CCSER1: variants seen among roughly 807,000 people sequenced by gnomAD.
CCSER1 encodes coiled-coil serine rich protein 1.
A neutral mutation model predicts 82.0 loss-of-function variants in CCSER1; 41 were observed. That is an observed-to-expected ratio of 0.50 (90% CI 0.39 to 0.65). The LOEUF is 0.65. CCSER1 is among the 30% of genes least tolerant of loss of function. The probability of loss-of-function intolerance (pLI) is 0.00; values close to 1 mark genes in which losing one functional copy is unlikely to be tolerated. For missense variants in CCSER1, 1,119 were observed against 1,064.2 expected, an observed-to-expected ratio of 1.05 and a Z score of -0.72; for synonymous variants, 414 against 383.9, an observed-to-expected ratio of 1.08 and a Z score of -0.92.
intron 6 of CCSER1, among the ~76,000 whole-genome samples, chr4:90,687,741 C>T (rs1374310955): frequency 6.6e-6 from 1 of 152,020 alleles, no homozygotes; most frequent in African/African-American, 2.4e-5. Context: ...ACAGCCACCC[C>T]AAACGAGCTA....
At chr4:90,270,437 A>G (rs547009102) in intron 1 of CCSER1, among the ~76,000 whole-genome samples, 1 of 152,168 alleles carries the variant, frequency 6.6e-6, no homozygotes, top group Non-Finnish European at 1.5e-5. Flanking sequence ...GACACTGAAA[A>G]ATCATTTGAT....
At chr4:90,731,585 T>G (rs1744757898) in intron 7 of CCSER1, among the ~76,000 whole-genome samples, 1 of 152,126 alleles carries the variant, frequency 6.6e-6, no homozygotes, top group Non-Finnish European at 1.5e-5. Flanking sequence ...GGATAGCTGA[T>G]GAATTTTGAA....
chr4:90,499,159 T>C (rs1769461155), intron 5 of CCSER1, among the ~76,000 whole-genome samples: 1 of 151,902 alleles, frequency 6.6e-6, no homozygotes, highest in Non-Finnish European at 1.5e-5. Context: ...TGTGTATTTG[T>C]ATGTGACATT....
At chr4:90,795,481 T>C (rs1165606716) in intron 7 of CCSER1, among the ~76,000 whole-genome samples, 1 of 152,142 alleles carries the variant, frequency 6.6e-6, no homozygotes, top group African/African-American at 2.4e-5. Context: ...TCGGATGTCC[T>C]TTATTTCTTT....
chr4:90,646,090 A>G (rs1727530416), intron 6 of CCSER1, among the ~76,000 whole-genome samples: 1 of 152,148 alleles, frequency 6.6e-6, no homozygotes, highest in African/African-American at 2.4e-5. Context: ...GTAAAAGAGC[A>G]GTAAATATTG....
At chr4:91,153,327 C>T (rs1357309974) in intron 10 of CCSER1, among the ~76,000 whole-genome samples, 1 of 151,906 alleles carries the variant, frequency 6.6e-6, no homozygotes, top group East Asian at 1.9e-4. Flanking sequence ...GTGCATGCAT[C>T]ACGTAGTTCT....
At chr4:90,234,913 A>G (rs1336527536) in intron 1 of CCSER1, 1 of 152,020 alleles carries the variant, frequency 6.6e-6, no homozygotes, top group East Asian at 1.9e-4. Context: ...TGTTTCCTCA[A>G]CTTTTCTATT....
intron 9 of CCSER1, among the ~76,000 whole-genome samples, chr4:91,044,597 A>G (rs1366133696): frequency 6.6e-6 from 1 of 152,148 alleles, no homozygotes; most frequent in Non-Finnish European, 1.5e-5. Flanking sequence ...AATTTCTCAT[A>G]CACATCCATT....
rs200241683 is a variant in CCSER1 at position 91,474,814 on chromosome 4, C to T, written c.2218-123758C>T. On this transcript the variant is annotated intron_variant, in intron 10 of 10. Coordinates refer to ENST00000509176, the MANE Select transcript of CCSER1 (RefSeq NM_001145065.2). ...ATATATATATATATATATATATATA[C>T]ACACACACACACACACACACACACA... 9.6e-3 allele frequency among the ~76,000 whole-genome samples: 638 copies of T among 66,770 alleles called. 4 individuals carry two copies. The highest frequency in any genetic ancestry group is 0.034 in the Middle Eastern group (5 of 148). 43.8% of individuals were successfully genotyped at this position (66,770 alleles called of 152,430 possible).
chr4:91,084,915 C>T (rs191771088), intron 9 of CCSER1, among the ~76,000 whole-genome samples: 1 of 151,818 alleles, frequency 6.6e-6, no homozygotes, highest in South Asian at 2.1e-4. Flanking sequence ...ATTTTTTAAA[C>T]ATAAATGCTG....
chr4:90,938,298 G>A (rs1321160035), intron 9 of CCSER1, among the ~76,000 whole-genome samples: 1 of 152,006 alleles, frequency 6.6e-6, no homozygotes, highest in Admixed American at 6.6e-5. Context: ...GACTTATGTA[G>A]TGCTTAATTA....
chr4:91,439,043 T>C (rs949894292), intron 10 of CCSER1, among the ~76,000 whole-genome samples: 6 of 152,200 alleles, frequency 3.9e-5, no homozygotes, highest in African/African-American at 1.2e-4. Flanking sequence ...TGGAACCAAG[T>C]TGGAAAACAC....
intron 1 of CCSER1, among the ~76,000 whole-genome samples, chr4:90,184,507 T>C (rs571920551): frequency 6.6e-6 from 1 of 152,038 alleles, no homozygotes; most frequent in African/African-American, 2.4e-5. Flanking sequence ...CTCAGACAAA[T>C]GATATTTTGA....
chr4:91,100,963 G>T (rs62312187), intron 10 of CCSER1, among the ~76,000 whole-genome samples: 1 of 152,070 alleles, frequency 6.6e-6, no homozygotes, highest in East Asian at 1.9e-4. Flanking sequence ...GTGTTTGACT[G>T]GTTATCTGGA....
rs1474751553 is a variant in CCSER1, at chr4:90,271,842, ATATATATATATATATATATATTTTTTTTT to A, written c.-41-36400_-41-36372del. 1.6e-3 allele frequency among the ~76,000 whole-genome samples: 51 copies of A among 32,320 alleles called. 1 individual carries two copies. Among genetic ancestry groups the A allele is most frequent in the African/African-American group, 4.5e-3 (43 of 9,482 alleles). 21.2% of individuals were successfully genotyped at this position (32,320 alleles called of 152,430 possible). On this transcript the variant is annotated intron_variant, in intron 1 of 10. Transcript: ENST00000509176. ...CTGGACAATTTATATATATATATAT[ATATATATATATATATATATATTTTTTTTT>A]TTTTTTTTTTTTTTTTTTTAAAAGG...
chr4:90,691,611 CATGTATATATGTGT>C (rs775554454), intron 6 of CCSER1, among the ~76,000 whole-genome samples: 165 of 140,088 alleles, frequency 1.2e-3, no homozygotes, highest in South Asian at 2.5e-3. Context: ...GTATATATCA[CATGTATATATGTGT>C]ATGTATATAT....
At chr4:91,357,023 G>A (rs568447815) in intron 10 of CCSER1, among the ~76,000 whole-genome samples, 60 of 152,248 alleles carry the variant, frequency 3.9e-4, no homozygotes, top group African/African-American at 1.4e-3. Flanking sequence ...TTTGTTTAAC[G>A]TGCGGATGGA....
chr4:90,865,310 C>T (rs538891044), intron 8 of CCSER1, among the ~76,000 whole-genome samples: 2 of 152,046 alleles, frequency 1.3e-5, no homozygotes, highest in Admixed American at 1.3e-4. Flanking sequence ...GATAATAACA[C>T]AAATTCTCTC....
At chr4:90,325,306 GA>G (rs1260217211) in intron 3 of CCSER1, among the ~76,000 whole-genome samples, 3 of 152,002 alleles carry the variant, frequency 2.0e-5, no homozygotes, top group African/African-American at 7.3e-5. Context: ...TATTTATTAA[GA>G]AAATAATTTA....
Sources: gnomAD v4.1 joint callset for allele counts (sites outside exome capture counted in the v4.1 genomes callset) on GRCh38, gnomAD v4.1.1 for gene constraint, MANE v1.5 for transcripts, NCBI Gene and HGNC (gene_info 2026-07-23, HGNC 2026-07-21) for gene names.